Variants in PEPD observed in about 807,000 individuals in gnomAD.
The protein encoded by PEPD is peptidase D, also known as xaa-Pro dipeptidase.
A neutral mutation model predicts 60.7 loss-of-function variants in PEPD; 53 were observed. That is an observed-to-expected ratio of 0.87 (90% CI 0.70 to 1.10). The LOEUF is 1.10. Among genes scored for constraint, PEPD ranks in the 50% least tolerant of loss-of-function variants. The pLI is 0.00. For synonymous variants in PEPD, 267 were observed against 284.1 expected, an observed-to-expected ratio of 0.94 and a Z score of 0.60; for missense variants, 711 against 711.9, an observed-to-expected ratio of 1.00 and a Z score of 0.01.
At chr19:33,462,698 CA>C (rs1351699129) in intron 9 of PEPD, among the ~76,000 whole-genome samples, 1 of 152,162 alleles carries the variant, frequency 6.6e-6, no homozygotes, top group African/African-American at 2.4e-5. Context: ...GTCATAAGAG[CA>C]GCAATTTGGT....
At position 33,411,735 on chromosome 19, in the gene PEPD, G is replaced by A. The variant is rs771330819; in HGVS notation, c.755C>T (p.Ala252Val). The A allele has an allele frequency of 6.2e-7, 1 of 1,607,254 alleles. No individual in the cohort carries two copies. The highest frequency in any genetic ancestry group is 8.5e-7 in the Non-Finnish European group (1 of 1,174,260). The stretch of plus-strand genomic sequence containing the variant: ...TCCGGCGTGTCCGTAGTGTAGCACG[G>A]CTGAGTTCTCACCACTGCAAAGAGC... Reference protein sequence around the residue: ...TCICGSGENSAVLHYGHAGAP... With the variant: ...TCICGSGENSVVLHYGHAGAP... Residue 252 changes from alanine (A) to valine (V), a missense_variant, in exon 11 of 15, where the codon GCC becomes GTC. Ala to Val is a moderately conservative substitution (Grantham distance 64). Transcript: ENST00000244137.
intron 13 of PEPD, among the ~76,000 whole-genome samples, chr19:33,389,851 G>A (rs1446541419): frequency 6.6e-6 from 1 of 152,262 alleles, no homozygotes; most frequent in Admixed American, 6.5e-5. Context: ...GTTGGCTCTA[G>A]GGGCCTGCCC....
At chr19:33,473,555 C>T (rs1970165404) in intron 7 of PEPD, among the ~76,000 whole-genome samples, 1 of 152,176 alleles carries the variant, frequency 6.6e-6, no homozygotes, top group Admixed American at 6.5e-5. Flanking sequence ...CGCTTAAAAC[C>T]CAAGAAGGCA....
chr19:33,484,456 CAG>C (rs1260406616), intron 6 of PEPD, among the ~76,000 whole-genome samples: 1 of 152,146 alleles, frequency 6.6e-6, no homozygotes, highest in East Asian at 1.9e-4. Flanking sequence ...CGCAGACACA[CAG>C]AGACAGGCAT....
At chr19:33,481,643 C>G (rs1414043555) in intron 6 of PEPD, among the ~76,000 whole-genome samples, 1 of 152,116 alleles carries the variant, frequency 6.6e-6, no homozygotes, top group Non-Finnish European at 1.5e-5. Context: ...AAAAACTTCT[C>G]ATAAAGAAAA....
intron 9 of PEPD, among the ~76,000 whole-genome samples, chr19:33,413,949 G>C (rs1968835576): frequency 6.6e-6 from 1 of 152,226 alleles, no homozygotes; most frequent in Admixed American, 6.5e-5. Flanking sequence ...GGCACATCAG[G>C]ACAGATGGGA....
chr19:33,451,139 A>C (rs1333497941), intron 9 of PEPD, among the ~76,000 whole-genome samples: 1 of 152,200 alleles, frequency 6.6e-6, no homozygotes, highest in Admixed American at 6.5e-5. Flanking sequence ...ACAATGCCTG[A>C]ACTGTAACAC....
chr19:33,430,221 G>T (rs545795620), intron 9 of PEPD, among the ~76,000 whole-genome samples: 1 of 152,230 alleles, frequency 6.6e-6, no homozygotes, highest in Non-Finnish European at 1.5e-5. Context: ...CCCCAGCCGT[G>T]AAGGGAGAAC....
intron 9 of PEPD, among the ~76,000 whole-genome samples, chr19:33,453,313 T>TAAAAAA (rs767526615): frequency 6.7e-6 from 1 of 149,232 alleles, no homozygotes; most frequent in Non-Finnish European, 1.5e-5. Flanking sequence ...AACACTGTCA[T>TAAAAAA]AAAAAAATAA....
At chr19:33,485,745 C>G (rs1568495444) in intron 6 of PEPD, among the ~76,000 whole-genome samples, 1 of 152,160 alleles carries the variant, frequency 6.6e-6, no homozygotes. Flanking sequence ...TACCAATTGT[C>G]TTCAAATATG....
chr19:33,446,135 C>T (rs1046054693), intron 9 of PEPD, among the ~76,000 whole-genome samples: 4 of 152,066 alleles, frequency 2.6e-5, no homozygotes, highest in Admixed American at 6.6e-5. Flanking sequence ...TAGAATTCCC[C>T]GAGTTCTTCC....
At chr19:33,419,812 G>C (rs1428528728) in intron 9 of PEPD, among the ~76,000 whole-genome samples, 1 of 151,924 alleles carries the variant, frequency 6.6e-6, no homozygotes, top group African/African-American at 2.4e-5. Flanking sequence ...CCAAGTCCTG[G>C]GCGAAGGAGC....
chr19:33,397,974 G>A (rs1224065058), intron 12 of PEPD, among the ~76,000 whole-genome samples: 1 of 152,192 alleles, frequency 6.6e-6, no homozygotes, highest in Non-Finnish European at 1.5e-5. Context: ...CAGCTGTGGA[G>A]ATGCCACCCA....
intron 2 of PEPD, among the ~76,000 whole-genome samples, chr19:33,512,173 A>C (rs1227251736): frequency 2.0e-5 from 3 of 152,188 alleles, no homozygotes; most frequent in Admixed American, 6.5e-5. Context: ...TTAGAGTTGG[A>C]AGACAAAGTT....
chr19:33,515,147 C>T (rs1160537370), intron 1 of PEPD, among the ~76,000 whole-genome samples: 2 of 152,204 alleles, frequency 1.3e-5, no homozygotes, highest in Non-Finnish European at 2.9e-5. Flanking sequence ...GCCTGACACA[C>T]AGCAAACGCT....
intron 4 of PEPD, among the ~76,000 whole-genome samples, chr19:33,497,306 C>T (rs922337806): frequency 2.6e-5 from 4 of 152,246 alleles, no homozygotes; most frequent in Non-Finnish European, 5.9e-5. Flanking sequence ...GACCTTCTCA[C>T]ATATGCCTGG....
intron 3 of PEPD, among the ~76,000 whole-genome samples, chr19:33,504,228 A>G (rs1220948153): frequency 1.3e-5 from 2 of 152,250 alleles, no homozygotes; most frequent in African/African-American, 4.8e-5. Context: ...CAAACCAGCC[A>G]CCGAAGGCTT....
rs141061802 is a variant in PEPD, at chr19:33,414,091, C to A, written c.672-448G>T. 4.4e-3 allele frequency among the ~76,000 whole-genome samples: 667 copies of A among 152,324 alleles called. 4 individuals are homozygous for A. Among genetic ancestry groups the A allele is most frequent in the African/African-American group, 0.016 (648 of 41,580 alleles). ...CCCACCCTGCCAGGAGGGGCTGGAT[C>A]TACGGCCTGCGCTCACCCGGGGAGA... On this transcript the variant is annotated intron_variant, in intron 9 of 14. Coordinates refer to ENST00000244137, the MANE Select transcript of PEPD (RefSeq NM_000285.4).
In PEPD at chr19:33,462,976, G is replaced by A. The variant is rs1159668829; in HGVS notation, c.671+19C>T. On this transcript the variant is annotated intron_variant, in intron 9 of 14. Coordinates refer to ENST00000244137, the MANE Select transcript of PEPD (RefSeq NM_000285.4). ...GTTTTTTACCTTTTAATTTTACCCG[G>A]AGAAACATGGTGGCTTACCTTTCCA... 6.5e-7 allele frequency: 1 copy of A among 1,541,018 alleles called. No homozygotes were observed. Among genetic ancestry groups the A allele is most frequent in the Non-Finnish European group, 9.0e-7 (1 of 1,113,460 alleles).
Sources: gnomAD v4.1 joint callset for allele counts (sites outside exome capture counted in the v4.1 genomes callset) on GRCh38, gnomAD v4.1.1 for gene constraint, MANE v1.5 for transcripts, NCBI Gene and HGNC (gene_info 2026-07-23, HGNC 2026-07-21) for gene names.